IL7: variants seen among roughly 807,000 people sequenced by gnomAD.
The protein encoded by IL7 is interleukin-7.
A neutral mutation model predicts 21.6 loss-of-function variants in IL7; 3 were observed. That is an observed-to-expected ratio of 0.14 (90% CI 0.06 to 0.36). IL7 has a LOEUF of 0.36. Among genes scored for constraint, IL7 ranks in the 10% least tolerant of loss-of-function variants. IL7 has a pLI of 1.00. For missense variants in IL7, 175 were observed against 200.2 expected, an observed-to-expected ratio of 0.87 and a Z score of 0.76; for synonymous variants, 62 against 68.1, an observed-to-expected ratio of 0.91 and a Z score of 0.44.
intron 2 of IL7, among the ~76,000 whole-genome samples, chr8:78,741,506 C>G (rs1368917184): frequency 6.6e-6 from 1 of 152,042 alleles, no homozygotes; most frequent in East Asian, 1.9e-4. Context: ...TCCAATTCAC[C>G]AAAAATATCG....
chr8:78,734,038 CTT>C, intron 5 of IL7, among the ~76,000 whole-genome samples: 1 of 152,236 alleles, frequency 6.6e-6, no homozygotes, highest in Non-Finnish European at 1.5e-5. Context: ...TGATTAAAGA[CTT>C]AGGATTCTCC....
intron 2 of IL7, among the ~76,000 whole-genome samples, chr8:78,750,775 G>C (rs1812141548): frequency 9.2e-5 from 14 of 152,162 alleles, no homozygotes; most frequent in Admixed American, 9.2e-4. Flanking sequence ...TGTGAGCCGA[G>C]ATCGTGCCAC....
chr8:78,781,884 T>A (rs1193991775), intron 2 of IL7, among the ~76,000 whole-genome samples: 1 of 152,204 alleles, frequency 6.6e-6, no homozygotes, highest in African/African-American at 2.4e-5. Flanking sequence ...TGGGTTTACA[T>A]AATCCCATAG....
chr8:78,739,054 A>T (rs1811690612), intron 3 of IL7, among the ~76,000 whole-genome samples: 1 of 152,156 alleles, frequency 6.6e-6, no homozygotes, highest in South Asian at 2.1e-4. Context: ...AGAATAGCTG[A>T]TAATAAGAAA....
At chr8:78,736,440 T>A in intron 5 of IL7, 34 bp downstream of exon 5, 1 of 1,395,430 alleles carries the variant, frequency 7.2e-7, no homozygotes, top group Non-Finnish European at 1.0e-6. Context: ...AAAAACCTGA[T>A]GAACCATAAG....
At chr8:78,761,088 A>C (rs1812538882) in intron 2 of IL7, 1 of 1,602,606 alleles carries the variant, frequency 6.2e-7, no homozygotes, top group South Asian at 1.1e-5. Context: ...CCATCTAAAC[A>C]TAAAACAAGT....
chr8:78,709,492 C>G (rs1320663216), intron 3 of IL7, among the ~76,000 whole-genome samples: 3 of 151,978 alleles, frequency 2.0e-5, no homozygotes, highest in Admixed American at 2.0e-4. Flanking sequence ...ATGTGGATAA[C>G]AATGATTGGA....
At chr8:78,688,354 A>G (rs1044309541) in intron 3 of IL7, among the ~76,000 whole-genome samples, 1 of 152,130 alleles carries the variant, frequency 6.6e-6, no homozygotes, top group African/African-American at 2.4e-5. Context: ...CCTGACAAAA[A>G]CAGCTTATTT....
At chr8:78,702,923 G>T (rs994262054) in intron 3 of IL7, among the ~76,000 whole-genome samples, 2 of 152,014 alleles carry the variant, frequency 1.3e-5, no homozygotes, top group African/African-American at 4.8e-5. Context: ...TTGAGATGGA[G>T]TTTCACTCTG....
At chr8:78,762,507 G>C in intron 2 of IL7, 1 of 1,166,930 alleles carries the variant, frequency 8.6e-7, no homozygotes, top group South Asian at 2.2e-5. Flanking sequence ...GTCGGGGCCG[G>C]GGAGGGGAGC....
intron 1 of IL7, among the ~76,000 whole-genome samples, chr8:78,802,550 C>T (rs1322429848): frequency 6.6e-6 from 1 of 151,960 alleles, no homozygotes; most frequent in Non-Finnish European, 1.5e-5. Context: ...CCTCCCTCAG[C>T]CTCCTGAGTA....
chr8:78,740,446 TTCAG>T (rs1348125798), intron 2 of IL7, among the ~76,000 whole-genome samples: 1 of 152,196 alleles, frequency 6.6e-6, no homozygotes, highest in Non-Finnish European at 1.5e-5. Flanking sequence ...TAAGAGGTTA[TTCAG>T]TCAAATTTCC....
intron 3 of IL7, among the ~76,000 whole-genome samples, chr8:78,703,414 T>G (rs2130570762): frequency 6.6e-6 from 1 of 152,316 alleles, no homozygotes; most frequent in Non-Finnish European, 1.5e-5. Flanking sequence ...AGTCTAAGTC[T>G]CATTGAAGGT....
intron 2 of IL7, among the ~76,000 whole-genome samples, chr8:78,749,136 C>T (rs758995592): frequency 5.9e-5 from 9 of 151,988 alleles, no homozygotes; most frequent in Admixed American, 1.3e-4. Flanking sequence ...TCACTAATGC[C>T]CAGAGAACAA....
rs966444193 is a variant in IL7, at chr8:78,744,142, G to A, written c.148-4060C>T. Among the ~76,000 whole-genome samples the A allele has an allele frequency of 9.2e-5, 14 of 151,916 alleles. No individual in the cohort carries two copies. In the South Asian group the frequency reaches 1.5e-3, roughly 16 times the overall value. On this transcript the variant is annotated intron_variant, in intron 2 of 5. Coordinates refer to ENST00000263851, the MANE Select transcript of IL7 (RefSeq NM_000880.4). ...CGCAGTGCTGGGGTAACGCTTCACC[G>A]CCTGTTGGCTTGGGCTCTCCAAAGC...
chr8:78,731,579 G>C (rs1010441377), downstream of IL7, among the ~76,000 whole-genome samples: 1 of 150,664 alleles, frequency 6.6e-6, no homozygotes, highest in Non-Finnish European at 1.5e-5. Context: ...GCATTTCTTG[G>C]GGCAAACTTT....
chr8:78,760,786 A>G (rs1253037060), intron 2 of IL7: 4 of 1,532,278 alleles, frequency 2.6e-6, no homozygotes, highest in Non-Finnish European at 2.6e-6. Context: ...TCATTTGAAT[A>G]TCAAGTTTGG....
chr8:78,763,451 T>G (rs1012326217), intron 2 of IL7, among the ~76,000 whole-genome samples: 37 of 152,280 alleles, frequency 2.4e-4, no homozygotes, highest in African/African-American at 8.7e-4. Context: ...AGATTTAGAT[T>G]GGTATTAAGT....
At chr8:78,706,764 G>A (rs1466211582) in intron 3 of IL7, among the ~76,000 whole-genome samples, 3 of 151,912 alleles carry the variant, frequency 2.0e-5, no homozygotes, top group African/African-American at 7.3e-5. Flanking sequence ...TTTTATGTGG[G>A]AAATATATAC....
Sources: allele counts gnomAD v4.1 joint callset (sites outside exome capture counted in the v4.1 genomes callset), GRCh38; gene constraint gnomAD v4.1.1; transcripts MANE v1.5; gene names NCBI Gene and HGNC (gene_info 2026-07-23, HGNC 2026-07-21).